LAMP1: variants seen among roughly 807,000 people sequenced by gnomAD.
The protein encoded by LAMP1 is lysosome associated membrane protein 1, also known as lysosome-associated membrane glycoprotein 1.
In LAMP1, 7 loss-of-function variants were observed where a neutral mutation model predicts 37.5. The observed-to-expected ratio is 0.19, with a 90% CI of 0.11 to 0.35. The LOEUF is 0.35. Ranked by LOEUF, LAMP1 falls within the 10% of genes least tolerant of loss-of-function variation. LAMP1 has a pLI of 1.00. For missense variants in LAMP1, 537 were observed against 552.8 expected, an observed-to-expected ratio of 0.97 and a Z score of 0.29; for synonymous variants, 236 against 229.1, an observed-to-expected ratio of 1.03 and a Z score of -0.27.
At chr13:113,322,020 C>T in intron 8 of LAMP1, 1 of 584,450 alleles carries the variant, frequency 1.7e-6, no homozygotes. Flanking sequence ...ATCTGATGTG[C>T]ACAGAGGCCC....
In LAMP1 at chr13:113,310,802, T is replaced by C; in HGVS notation, c.497T>C (p.Val166Ala). The stretch of plus-strand genomic sequence containing the variant: ...GGCACCCAGGTCCACATGAACAACG[T>C]GACCGTAACGCTCCATGATGCCACC... Reference protein sequence around the residue: ...VSGTQVHMNNVTVTLHDATIQ... With the variant: ...VSGTQVHMNNATVTLHDATIQ... Residue 166 changes from valine to alanine, a missense_variant, in exon 4 of 9, where the codon GTG becomes GCG. Transcript: ENST00000332556. The C allele has an allele frequency of 6.2e-7, 1 of 1,613,986 alleles. No individual in the cohort carries two copies. Among genetic ancestry groups the C allele is most frequent in the Middle Eastern group, 1.7e-4 (1 of 6,060 alleles).
chr13:113,319,694 C>T (rs377759076), intron 5 of LAMP1, 38 bp downstream of exon 5: 249 of 1,583,882 alleles, frequency 1.6e-4, no homozygotes, highest in Non-Finnish European at 2.0e-4. Flanking sequence ...GGGGACGGCA[C>T]GGTAGGGCTG....
At position 113,306,517 on chromosome 13, in the gene LAMP1, A is replaced by G. The variant is rs748693352; in HGVS notation, c.94A>G (p.Met32Val). The G allele has an allele frequency of 1.9e-6, 3 of 1,614,100 alleles. No individual in the cohort carries two copies. The East Asian group carries it at 6.7e-5, about 36-fold the overall frequency. ...LMHCASAAMF[M>V]VKNGNGTACI... ...GCATTGTGCGTCAGCAGCAATGTTT[A>G]TGGTGAAAAATGGCAACGGGACCGC... Residue 32 changes from methionine (M) to valine (V), a missense_variant, in exon 2 of 9, where the codon ATG becomes GTG. Coordinates refer to ENST00000332556, the MANE Select transcript of LAMP1 (RefSeq NM_005561.4).
intron 4 of LAMP1, among the ~76,000 whole-genome samples, chr13:113,316,563 T>C (rs747170080): frequency 2.6e-5 from 4 of 151,926 alleles, no homozygotes; most frequent in East Asian, 1.9e-4. Flanking sequence ...GGTGGGACTG[T>C]AGGCGCCCGC....
At chr13:113,301,712 T>TA (rs1164488926) in intron 1 of LAMP1, among the ~76,000 whole-genome samples, 1 of 145,946 alleles carries the variant, frequency 6.9e-6, no homozygotes, top group Non-Finnish European at 1.5e-5. Context: ...CACACACTTA[T>TA]ACCTTGCCTC....
intron 1 of LAMP1, chr13:113,305,444 A>G (rs762609759): frequency 2.6e-5 from 4 of 152,244 alleles, no homozygotes; most frequent in Admixed American, 6.5e-5. Context: ...TAATGAAAGA[A>G]CTGTGTAATA....
intron 1 of LAMP1, among the ~76,000 whole-genome samples, chr13:113,299,033 G>T (rs1287132137): frequency 2.0e-5 from 3 of 152,100 alleles, no homozygotes. Flanking sequence ...CCAGCTACTT[G>T]GTAGGCTGAG....
intron 1 of LAMP1, among the ~76,000 whole-genome samples, chr13:113,304,363 G>C (rs1420713712): frequency 6.6e-6 from 1 of 152,230 alleles, no homozygotes; most frequent in Non-Finnish European, 1.5e-5. Flanking sequence ...TCTGGCGTCT[G>C]CTGTGTCTGC....
chr13:113,322,464 T>G lies in LAMP1; in HGVS notation c.*43T>G, dbSNP rs1376148565. ...CAGCAGCTGCAGGGGCCTCTGTTCC[T>G]TTCTCTGGGCTTAGGGTCCTGTCGA... On this transcript the variant is annotated 3_prime_UTR_variant, in exon 9 of 9. Transcript: ENST00000332556. 6.4e-7 allele frequency: 1 copy of G among 1,567,080 alleles called. No homozygotes were observed. The highest frequency in any genetic ancestry group is 8.7e-7 in the Non-Finnish European group (1 of 1,150,704).
chr13:113,320,345 A>C lies in LAMP1; in HGVS notation c.751A>C (p.Thr251Pro), dbSNP rs758133363. 3.7e-5 allele frequency: 59 copies of C among 1,613,916 alleles called. No individual in the cohort carries two copies. Among genetic ancestry groups the C allele is most frequent in the Non-Finnish European group, 4.7e-5 (56 of 1,180,032 alleles). ...TGACTTGCTTGCTTGTCTTATGCAG[A>C]CGGTGACAAGGCTTCTCAACATCAA... ...NLTYERKDNT[T>P]VTRLLNINPN... Residue 251 changes from threonine (T) to proline (P), a missense_variant and splice_region_variant, in exon 6 of 9, where the codon ACG becomes CCG. By Grantham distance (38) the Thr-to-Pro change is conservative. Transcript: ENST00000332556. The surrounding 1 kb of genome is among the most constrained non-coding windows in gnomAD (Gnocchi z 4.4).
intron 3 of LAMP1, among the ~76,000 whole-genome samples, 167 bp downstream of exon 3, chr13:113,310,029 G>A (rs2042621345): frequency 6.6e-6 from 1 of 152,146 alleles, no homozygotes; most frequent in African/African-American, 2.4e-5. Flanking sequence ...AGGAGTTTGA[G>A]ACCAGCCTGG....
chr13:113,318,121 T>C (rs1229742029), intron 4 of LAMP1, among the ~76,000 whole-genome samples: 1 of 152,250 alleles, frequency 6.6e-6, no homozygotes, highest in Non-Finnish European at 1.5e-5. Context: ...GAGTTTGGTG[T>C]GGTTACTGCA....
rs2042713121 is a variant in LAMP1 at position 113,322,869 on chromosome 13, A to AG, written c.*452dup. Reference sequence around the variant, plus strand: ...GAGGGGTGGAATGCCGCTGTCTCTGAGGGGTGGGGGTGCCGCTCTAAATTG... The same window carrying AG: ...GAGGGGTGGAATGCCGCTGTCTCTGAGGGGGTGGGGGTGCCGCTCTAAATTG... On this transcript the variant is annotated 3_prime_UTR_variant, in exon 9 of 9. Transcript: ENST00000332556. 2.8e-5 allele frequency: 1 copy of AG among 35,122 alleles called. No individual in the cohort carries two copies. Among genetic ancestry groups the AG allele is most frequent in the Non-Finnish European group, 5.7e-5 (1 of 17,558 alleles). The allele number at this position is 35,122 out of a possible 1,614,324, so 2.2% of individuals were successfully genotyped here. A position where few individuals can be genotyped will look rare whatever the true frequency, so the allele number is the denominator to read the frequency against.
At chr13:113,301,181 C>T (rs527749276) in intron 1 of LAMP1, among the ~76,000 whole-genome samples, 62 of 152,194 alleles carry the variant, frequency 4.1e-4, no homozygotes, top group African/African-American at 1.3e-3. Context: ...CGGATCCACA[C>T]GATCAGCTTT....
Position 113,322,594 on chromosome 13 carries a change from C to G in LAMP1, c.*173C>G. On this transcript the variant is annotated 3_prime_UTR_variant, in exon 9 of 9. Transcript: ENST00000332556. ...CACAACAGAGTAACTATCGAAATGACGGTGTTAATTTTGCTAACTGGGTTA... is the reference window on the plus strand; with the variant it reads ...CACAACAGAGTAACTATCGAAATGAGGGTGTTAATTTTGCTAACTGGGTTA... 1 of 497,082 alleles carries G rather than the reference C, an allele frequency of 2.0e-6. No homozygotes were observed. Among genetic ancestry groups the G allele is most frequent in the Non-Finnish European group, 3.3e-6 (1 of 300,570 alleles). The allele number at this position is 497,082 out of a possible 1,614,324, so 30.8% of individuals were successfully genotyped here. A position where few individuals can be genotyped will look rare whatever the true frequency, so the allele number is the denominator to read the frequency against.
rs1183504978 is a variant in LAMP1, at chr13:113,316,405, C to T, written c.563-3064C>T. Among the ~76,000 whole-genome samples, 6 of 146,784 alleles carry T rather than the reference C, an allele frequency of 4.1e-5. No homozygotes were observed. The East Asian group carries it at 1.0e-3, about 25-fold the overall frequency. On this transcript the variant is annotated intron_variant, in intron 4 of 8. Transcript: ENST00000332556. ...ATGAAGGTCACCGTGTCTCATCTCCCACCCAATTTGGCATGATTTTTTTTT... is the reference window on the plus strand; with the variant it reads ...ATGAAGGTCACCGTGTCTCATCTCCTACCCAATTTGGCATGATTTTTTTTT...
Position 113,322,436 on chromosome 13 carries a change from G to A in LAMP1, c.*15G>A. 1 of 1,598,784 alleles carries A rather than the reference G, an allele frequency of 6.3e-7. No homozygotes were observed. The highest frequency in any genetic ancestry group is 1.1e-5 in the South Asian group (1 of 90,274). On this transcript the variant is annotated 3_prime_UTR_variant, in exon 9 of 9. Coordinates refer to ENST00000332556, the MANE Select transcript of LAMP1 (RefSeq NM_005561.4). The stretch of plus-strand genomic sequence containing the variant: ...AGACTATCTAGCCTGGTGCACGCAG[G>A]CACAGCAGCTGCAGGGGCCTCTGTT...
intron 4 of LAMP1, among the ~76,000 whole-genome samples, chr13:113,317,499 A>G (rs1311665333): frequency 6.6e-6 from 1 of 152,206 alleles, no homozygotes; most frequent in African/African-American, 2.4e-5. Flanking sequence ...ACCACTCTAC[A>G]GAAACAGGGT....
At position 113,297,745 on chromosome 13, in the gene LAMP1, T is replaced by C. The variant is rs1189653174; in HGVS notation, c.61+250T>C. On this transcript the variant is annotated intron_variant, in intron 1 of 8. Coordinates refer to ENST00000332556, the MANE Select transcript of LAMP1 (RefSeq NM_005561.4). The surrounding 1 kb of genome is among the most constrained non-coding windows in gnomAD (Gnocchi z 4.4). ...GGACCTGGCTCCTCTAAGGTCTGTCTCACTGAACTCAGTTTTTCTGTGGTG... is the reference window on the plus strand; with the variant it reads ...GGACCTGGCTCCTCTAAGGTCTGTCCCACTGAACTCAGTTTTTCTGTGGTG... Among the ~76,000 whole-genome samples the C allele has an allele frequency of 1.3e-5, 2 of 152,214 alleles. No homozygotes were observed. Among genetic ancestry groups the C allele is most frequent in the African/African-American group, 4.8e-5 (2 of 41,448 alleles).
Sources: allele counts gnomAD v4.1 joint callset (sites outside exome capture counted in the v4.1 genomes callset), GRCh38; gene constraint gnomAD v4.1.1; non-coding constraint Gnocchi (gnomAD v3.1); transcripts MANE v1.5; gene names NCBI Gene and HGNC (gene_info 2026-07-23, HGNC 2026-07-21).